Variants in SCUBE1 observed in about 807,000 individuals in gnomAD.
SCUBE1 encodes the protein signal peptide, CUB and EGF-like domain-containing protein 1.
Under a neutral mutation model 124.4 loss-of-function variants are expected in SCUBE1, and 59 were observed. The observed-to-expected ratio is 0.47, with a 90% CI of 0.38 to 0.59. SCUBE1 has a LOEUF of 0.59. Ranked by LOEUF, SCUBE1 falls within the 20% of genes least tolerant of loss-of-function variation. The pLI is 0.00. For synonymous variants in SCUBE1, 545 were observed against 550.9 expected, an observed-to-expected ratio of 0.99 and a Z score of 0.15; for missense variants, 1,150 against 1,371.2, an observed-to-expected ratio of 0.84 and a Z score of 2.55.
chr22:43,291,598 GCT>G (rs1185596266), intron 3 of SCUBE1, among the ~76,000 whole-genome samples: 6 of 151,968 alleles, frequency 3.9e-5, no homozygotes, highest in Non-Finnish European at 8.8e-5. Flanking sequence ...GGTACGGTGG[GCT>G]CCCATGGCGC....
At chr22:43,293,528 T>C (rs972912178) in intron 3 of SCUBE1, among the ~76,000 whole-genome samples, 1 of 152,248 alleles carries the variant, frequency 6.6e-6, no homozygotes. Flanking sequence ...CAGTGTCAAC[T>C]TGAGCACGTG....
intron 14 of SCUBE1, among the ~76,000 whole-genome samples, chr22:43,220,097 A>G (rs1317911155): frequency 6.6e-6 from 1 of 152,192 alleles, no homozygotes; most frequent in African/African-American, 2.4e-5. Context: ...TTCAGGAACC[A>G]GGAAAGACAA....
chr22:43,248,708 A>G (rs1187485864), intron 6 of SCUBE1, among the ~76,000 whole-genome samples: 1 of 152,198 alleles, frequency 6.6e-6, no homozygotes, highest in Non-Finnish European at 1.5e-5. Flanking sequence ...CAGCCAGGCC[A>G]CCTGATGAGC....
chr22:43,263,628 TTAA>T (rs1923955616), intron 4 of SCUBE1, among the ~76,000 whole-genome samples: 1 of 152,182 alleles, frequency 6.6e-6, no homozygotes. Context: ...CCCGTCCACT[TTAA>T]ATACGGGTAT....
At chr22:43,340,531 CAG>C (rs1328792390) in intron 1 of SCUBE1, among the ~76,000 whole-genome samples, 2 of 132,068 alleles carry the variant, frequency 1.5e-5, no homozygotes, top group Non-Finnish European at 3.3e-5. Flanking sequence ...CACACACACA[CAG>C]AGTTCAGGCA....
At chr22:43,299,564 A>T (rs1000947367) in intron 3 of SCUBE1, among the ~76,000 whole-genome samples, 1 of 152,146 alleles carries the variant, frequency 6.6e-6, no homozygotes. Context: ...GTCTGCTTGG[A>T]GGATGTGGGT....
intron 12 of SCUBE1, 47 bp from the exon 13 acceptor site, chr22:43,221,336 AAGG>A: frequency 8.1e-7 from 1 of 1,235,594 alleles, no homozygotes; most frequent in Non-Finnish European, 1.2e-6. Flanking sequence ...TCCTGCAGGC[AAGG>A]AGGTGGTGGG....
rs779452517 is a variant in SCUBE1 at position 43,198,623 on chromosome 22, A to T, written c.*5374T>A. The T allele has an allele frequency of 2.2e-6, 1 of 456,658 alleles. No individual in the cohort carries two copies. The highest frequency in any genetic ancestry group is 4.4e-6 in the Non-Finnish European group (1 of 226,952). 28.3% of individuals were successfully genotyped at this position (456,658 alleles called of 1,614,324 possible). A position where few individuals can be genotyped will look rare whatever the true frequency, so the allele number is the denominator to read the frequency against. ...TGAATGATGTCGGCTCGGCATGGAC[A>T]CCTTGTGCATCTTTGGTGAAAAGGG... On this transcript the variant is annotated 3_prime_UTR_variant, in exon 22 of 22. Transcript: ENST00000360835.
chr22:43,243,146 T>C (rs1229572340), intron 6 of SCUBE1, among the ~76,000 whole-genome samples: 2 of 152,214 alleles, frequency 1.3e-5, no homozygotes, highest in South Asian at 2.1e-4. Context: ...CACACAGCTA[T>C]TGGGAGGAGC....
rs1180084233 is a variant in SCUBE1, at chr22:43,255,134, G to A, written c.727+3085C>T. ...TGAATGTGGGTGTTCACGCAAGTCG[G>A]GGAGCTTTACGACACACGTCTCCTT... On this transcript the variant is annotated intron_variant, in intron 6 of 21. Transcript: ENST00000360835. This position sits in a 1 kb window ranked among gnomAD's most constrained non-coding sequence, Gnocchi z 4.7. Among the ~76,000 whole-genome samples, 2 of 152,238 alleles carry A rather than the reference G, an allele frequency of 1.3e-5. No homozygotes were observed. Among genetic ancestry groups the A allele is most frequent in the Non-Finnish European group, 2.9e-5 (2 of 68,046 alleles).
At position 43,255,553 on chromosome 22, in the gene SCUBE1, C is replaced by T. The variant is rs776503616; in HGVS notation, c.727+2666G>A. 22 of 1,550,470 alleles carry T rather than the reference C, an allele frequency of 1.4e-5. No homozygotes were observed. Among genetic ancestry groups the T allele is most frequent in the East Asian group, 2.4e-5 (1 of 40,928 alleles). On this transcript the variant is annotated intron_variant, in intron 6 of 21. Coordinates refer to ENST00000360835, the MANE Select transcript of SCUBE1 (RefSeq NM_173050.5). This position sits in a 1 kb window ranked among gnomAD's most constrained non-coding sequence, Gnocchi z 4.7. ...TACTGACGTGGCATTGAACTGAGAG[C>T]GCTCAATTGCAGCCTCATCCTTCTC...
rs1232205065 is a variant in SCUBE1, at chr22:43,210,878, C to G, written c.2383+44G>C. 6.2e-7 allele frequency: 1 copy of G among 1,610,502 alleles called. No individual in the cohort carries two copies. The highest frequency in any genetic ancestry group is 8.5e-7 in the Non-Finnish European group (1 of 1,177,484). On this transcript the variant is annotated intron_variant, in intron 18 of 21. Transcript: ENST00000360835. This position sits in a 1 kb window ranked among gnomAD's most constrained non-coding sequence, Gnocchi z 4.5. ...TCCCGCCCCCACAACCTGCCCAGCC[C>G]CTCCCGTGTTCCCAGCTTCCCACGG...
rs116535169 is a variant in SCUBE1, at chr22:43,319,385, C to T, written c.349+552G>A. 1.0e-2 allele frequency among the ~76,000 whole-genome samples: 1,517 copies of T among 151,736 alleles called. 30 individuals are homozygous for T. The highest frequency in any genetic ancestry group is 0.034 in the African/African-American group (1,417 of 41,368). Reference sequence around the variant, plus strand: ...CTCGAGACCAGCCTGGCAACCATGGCGAAACTCAGTCTCTACTAAAAATAC... The same window carrying T: ...CTCGAGACCAGCCTGGCAACCATGGTGAAACTCAGTCTCTACTAAAAATAC... On this transcript the variant is annotated intron_variant, in intron 3 of 21. Transcript: ENST00000360835.
intron 4 of SCUBE1, among the ~76,000 whole-genome samples, chr22:43,281,373 CTTCTGTCATCTCCTCCTCAGCTA>C (rs1437906093): frequency 7.8e-5 from 5 of 64,504 alleles, no homozygotes; most frequent in South Asian, 8.0e-4. Context: ...CTTGGCCACC[CTTCTGTCATCTCCTCCTCAGCTA>C]TCCTGTCACC....
intron 2 of SCUBE1, among the ~76,000 whole-genome samples, chr22:43,335,442 A>G (rs547182436): frequency 6.6e-6 from 1 of 152,290 alleles, no homozygotes; most frequent in Admixed American, 6.5e-5. Context: ...TCACTCACTG[A>G]GGGTTTAGGA....
At chr22:43,205,418 CAG>C (rs1158855239) in intron 21 of SCUBE1, among the ~76,000 whole-genome samples, 3 of 152,042 alleles carry the variant, frequency 2.0e-5, no homozygotes, top group South Asian at 2.1e-4. Flanking sequence ...TGGTTCCTGA[CAG>C]AGTCCCCAGA....
intron 4 of SCUBE1, chr22:43,270,630 G>T (rs898566745): frequency 1.3e-5 from 2 of 152,258 alleles, no homozygotes; most frequent in Non-Finnish European, 2.9e-5. Flanking sequence ...CGCCCTGCAG[G>T]GCAAGTAGCT....
At position 43,255,481 on chromosome 22, in the gene SCUBE1, G is replaced by A. The variant is rs1473134587; in HGVS notation, c.727+2738C>T. On this transcript the variant is annotated intron_variant, in intron 6 of 21. Transcript: ENST00000360835. This position sits in a 1 kb window ranked among gnomAD's most constrained non-coding sequence, Gnocchi z 4.7. ...GTACGACAAAGGAAGTGGAAGAAAA[G>A]TGTTACCCATGAGTAGCCGCCGTTT... is the stretch of plus-strand genomic sequence containing the variant. 1 of 1,549,724 alleles carries A rather than the reference G, an allele frequency of 6.5e-7. No individual in the cohort carries two copies. The highest frequency in any genetic ancestry group is 2.4e-5 in the East Asian group (1 of 40,924).
chr22:43,230,827 GTGGGA>G, intron 8 of SCUBE1, among the ~76,000 whole-genome samples: 1 of 152,176 alleles, frequency 6.6e-6, no homozygotes, highest in Non-Finnish European at 1.5e-5. Flanking sequence ...CAGGGACCTT[GTGGGA>G]GAACAGCCCT....
Sources: gnomAD v4.1 joint callset for allele counts (sites outside exome capture counted in the v4.1 genomes callset) on GRCh38, gnomAD v4.1.1 for gene constraint, Gnocchi (gnomAD v3.1) non-coding constraint, MANE v1.5 for transcripts, NCBI Gene and HGNC (gene_info 2026-07-23, HGNC 2026-07-21) for gene names.